SH3KBP1: variants seen among roughly 807,000 people sequenced by gnomAD.
The protein encoded by SH3KBP1 is SH3 domain containing kinase binding protein 1, also known as SH3 domain-containing kinase-binding protein 1.
SH3KBP1 carries 8 observed loss-of-function variants against 50.1 expected under a neutral mutation model. That is an observed-to-expected ratio of 0.16 (90% CI 0.09 to 0.29). The LOEUF is 0.29. SH3KBP1 is among the 10% of genes least tolerant of loss of function. SH3KBP1 has a pLI of 1.00. For synonymous variants in SH3KBP1, 227 were observed against 218.6 expected, an observed-to-expected ratio of 1.04 and a Z score of -0.34; for missense variants, 377 against 535.2, an observed-to-expected ratio of 0.70 and a Z score of 2.92.
intron 4 of SH3KBP1, among the ~76,000 whole-genome samples, chrX:19,704,149 T>C (rs935613999): frequency 1.8e-5 from 2 of 112,431 alleles, no homozygotes; most frequent in Admixed American, 9.4e-5. Flanking sequence ...GTAAATATCA[T>C]AGACTATATG....
At chrX:19,710,486 C>A (rs150090189) in intron 3 of SH3KBP1, among the ~76,000 whole-genome samples, 2,499 of 112,045 alleles carry the variant, frequency 0.022, 82 homozygotes, top group African/African-American at 0.077. Flanking sequence ...TTTATCATCT[C>A]ACACCATCAT....
At chrX:19,644,540 A>C (rs73459639) in intron 7 of SH3KBP1, among the ~76,000 whole-genome samples, 2,632 of 111,786 alleles carry the variant, frequency 0.024, 72 homozygotes, top group African/African-American at 0.081. Flanking sequence ...AAATAAAACT[A>C]CACTTTCCAA....
intron 3 of SH3KBP1, among the ~76,000 whole-genome samples, chrX:19,723,142 CAA>C (rs61434855): frequency 0.05 from 1,550 of 30,963 alleles, 24 homozygotes; most frequent in African/African-American, 0.12. Context: ...GACTCCGTCT[CAA>C]AAAAAAAAAA....
intron 8 of SH3KBP1, among the ~76,000 whole-genome samples, chrX:19,615,845 G>A (rs971225542): frequency 3.6e-5 from 4 of 111,145 alleles, no homozygotes; most frequent in Non-Finnish European, 7.5e-5. Context: ...TCCTAGGGAC[G>A]AGCTTACTCA....
At chrX:19,797,499 T>C (rs188127205) in intron 2 of SH3KBP1, among the ~76,000 whole-genome samples, 7 of 111,502 alleles carry the variant, frequency 6.3e-5, no homozygotes, top group African/African-American at 1.6e-4. Flanking sequence ...CAGTAGACCA[T>C]AGAAAAGAAA....
In SH3KBP1 at chrX:19,745,050, G is replaced by A. The variant is rs141699912; in HGVS notation, c.286+1268C>T. On this transcript the variant is annotated intron_variant, in intron 3 of 17. Coordinates refer to ENST00000397821, the MANE Select transcript of SH3KBP1 (RefSeq NM_031892.3). ...GGCTCCTTCTCATTGGTTTGAAAGT[G>A]CAGAAAGAACACACACTGAACTCTA... Among the ~76,000 whole-genome samples the A allele has an allele frequency of 5.3e-5, 6 of 112,324 alleles. No homozygotes were observed. In the East Asian group the frequency reaches 1.4e-3, roughly 26 times the overall value.
At chrX:19,713,403 C>T (rs1470731367) in intron 3 of SH3KBP1, among the ~76,000 whole-genome samples, 1 of 109,106 alleles carries the variant, frequency 9.2e-6, no homozygotes, top group Non-Finnish European at 1.9e-5. Flanking sequence ...GCTGGGACTA[C>T]CGATGTGAGC....
At chrX:19,731,097 G>A (rs1329327513) in intron 3 of SH3KBP1, among the ~76,000 whole-genome samples, 6 of 110,428 alleles carry the variant, frequency 5.4e-5, no homozygotes, top group Non-Finnish European at 7.6e-5. Flanking sequence ...GTGTCACCAC[G>A]CCCGGCTAAT....
chrX:19,853,384 G>T (rs1443935714), intron 1 of SH3KBP1, among the ~76,000 whole-genome samples: 1 of 111,153 alleles, frequency 9.0e-6, no homozygotes, highest in Non-Finnish European at 1.9e-5. Context: ...CAGATGCCAA[G>T]ACAGCAGGAT....
chrX:19,588,562 G>C, intron 12 of SH3KBP1, 81 bp downstream of exon 12: 1 of 1,210,697 alleles, frequency 8.3e-7, no homozygotes, highest in Non-Finnish European at 1.1e-6. Flanking sequence ...TTCCTCCCAA[G>C]GTCTGTGGCA....
chrX:19,813,338 T>C (rs914170534), intron 2 of SH3KBP1, among the ~76,000 whole-genome samples: 5 of 108,960 alleles, frequency 4.6e-5, no homozygotes, highest in African/African-American at 1.7e-4. Flanking sequence ...TTTTTTTTTT[T>C]CCAGCCTTAC....
intron 4 of SH3KBP1, among the ~76,000 whole-genome samples, chrX:19,705,970 C>A (rs2148670919): frequency 9.0e-6 from 1 of 111,643 alleles, no homozygotes; most frequent in South Asian, 3.7e-4. Flanking sequence ...CAGATCCCTT[C>A]ATTAATGAGT....
chrX:19,630,741 G>A (rs1189733579), intron 8 of SH3KBP1, among the ~76,000 whole-genome samples: 1 of 112,115 alleles, frequency 8.9e-6, no homozygotes, highest in Non-Finnish European at 1.9e-5. Context: ...TGGCAAGCTA[G>A]TTAACTTCTT....
chrX:19,631,222 T>A (rs184585474), intron 8 of SH3KBP1, among the ~76,000 whole-genome samples: 37 of 112,787 alleles, frequency 3.3e-4, no homozygotes, highest in Non-Finnish European at 1.9e-5. Context: ...ATTCTGGGTA[T>A]TGCTTAAATA....
At position 19,565,773 on chromosome X, in the gene SH3KBP1, C is replaced by T. The variant is rs754679091; in HGVS notation, c.1384+3330G>A. On this transcript the variant is annotated intron_variant, in intron 13 of 17. Coordinates refer to ENST00000397821, the MANE Select transcript of SH3KBP1 (RefSeq NM_031892.3). Reference sequence around the variant, plus strand: ...ACAAAACACTCTTAATCCTTTCTAACGCTTTGGGATTATTGTTTCACCAGG... The same window carrying T: ...ACAAAACACTCTTAATCCTTTCTAATGCTTTGGGATTATTGTTTCACCAGG... 5.4e-5 allele frequency among the ~76,000 whole-genome samples: 6 copies of T among 111,852 alleles called. No individual in the cohort carries two copies. In the South Asian group the frequency reaches 2.3e-3, roughly 42 times the overall value.
chrX:19,679,394 G>A (rs2062995628), intron 6 of SH3KBP1, among the ~76,000 whole-genome samples: 1 of 109,508 alleles, frequency 9.1e-6, no homozygotes, highest in African/African-American at 3.3e-5. Flanking sequence ...AGTCCTGTGA[G>A]GTAAGATAGG....
intron 3 of SH3KBP1, among the ~76,000 whole-genome samples, chrX:19,717,807 C>G: frequency 9.0e-6 from 1 of 111,660 alleles, no homozygotes; most frequent in East Asian, 2.8e-4. Context: ...TGTGAATTAA[C>G]TTTACTAAAC....
At chrX:19,868,856 TCC>T (rs1450736310) in intron 1 of SH3KBP1, among the ~76,000 whole-genome samples, 1 of 108,105 alleles carries the variant, frequency 9.3e-6, no homozygotes, top group Admixed American at 9.8e-5. Flanking sequence ...TGCTCCCCAA[TCC>T]CCACAAAGTA....
intron 3 of SH3KBP1, chrX:19,740,782 T>C (rs144372160): frequency 9.1e-6 from 3 of 329,330 alleles, no homozygotes; most frequent in African/African-American, 8.0e-5. Flanking sequence ...TTGTTAACAG[T>C]TTCATTTCTG....
Sources: gnomAD v4.1 joint callset for allele counts (sites outside exome capture counted in the v4.1 genomes callset) on GRCh38, gnomAD v4.1.1 for gene constraint, MANE v1.5 for transcripts, NCBI Gene and HGNC (gene_info 2026-07-23, HGNC 2026-07-21) for gene names.